The following GNB5 variants were observed in gnomAD, a reference collection of about 807,000 sequenced individuals.
GNB5 encodes G protein subunit beta 5.
A neutral mutation model predicts 55.3 loss-of-function variants in GNB5; 37 were observed. That is an observed-to-expected ratio of 0.67 (90% CI 0.51 to 0.88). The LOEUF is 0.88. Ranked by LOEUF, GNB5 falls within the 40% of genes least tolerant of loss-of-function variation. GNB5 has a pLI of 0.00. For missense variants in GNB5, 476 were observed against 515.3 expected (o/e 0.92, Z 0.74); for synonymous variants, 219 against 198.5 (o/e 1.10, Z -0.87).
intron 4 of GNB5, among the ~76,000 whole-genome samples, chr15:52,151,889 C>T (rs1025014251): frequency 5.3e-5 from 8 of 151,736 alleles, no homozygotes; most frequent in Admixed American, 2.0e-4. Context: ...GAGGATCACT[C>T]GAGCCCAGGA....
rs977627428 is a variant in GNB5 at position 52,117,102 on chromosome 15, A to ATTTT, written c.*5651_*5654dup. The ATTTT allele has an allele frequency of 1.1e-5, 1 of 87,102 alleles. No individual in the cohort carries two copies. Among genetic ancestry groups the ATTTT allele is most frequent in the Admixed American group, 1.2e-4 (1 of 8,092 alleles). The allele number at this position is 87,102 out of a possible 1,614,324, so 5.4% of individuals were successfully genotyped here. On this transcript the variant is annotated 3_prime_UTR_variant, in exon 13 of 13. Coordinates refer to ENST00000261837, the MANE Select transcript of GNB5 (RefSeq NM_016194.4). ...CCACGCCCAGCTAATATATATATAT[A>ATTTT]TTTTTTTTTAGTACAGACAGGGTTT... is the stretch of plus-strand genomic sequence containing the variant.
rs141366851 is a variant in GNB5 at position 52,166,045 on chromosome 15, G to C, written c.239-11969C>G. On this transcript the variant is annotated intron_variant, in intron 3 of 12. Coordinates refer to ENST00000261837, the MANE Select transcript of GNB5 (RefSeq NM_016194.4). Reference sequence around the variant, plus strand: ...GAAAAAAGCAGGCGTTGCAATCCTAGTTTCCAACAAAACAGACTTTAAACC... The same window carrying C: ...GAAAAAAGCAGGCGTTGCAATCCTACTTTCCAACAAAACAGACTTTAAACC... 2.4e-4 allele frequency among the ~76,000 whole-genome samples: 37 copies of C among 152,278 alleles called. No individual in the cohort carries two copies. The East Asian group carries it at 6.5e-3, about 27-fold the overall frequency.
chr15:52,169,047 G>A (rs902246354), intron 3 of GNB5, among the ~76,000 whole-genome samples: 3 of 152,250 alleles, frequency 2.0e-5, no homozygotes, highest in Non-Finnish European at 2.9e-5. Flanking sequence ...TACCAGGCCG[G>A]ATGTGGGGGC....
intron 3 of GNB5, among the ~76,000 whole-genome samples, chr15:52,162,279 T>C (rs1415437985): frequency 6.6e-6 from 1 of 152,238 alleles, no homozygotes; most frequent in Non-Finnish European, 1.5e-5. Context: ...TTCATCACGA[T>C]GTGGCTTACT....
chr15:52,127,822 A>G (rs535341268), intron 10 of GNB5, among the ~76,000 whole-genome samples: 4 of 152,186 alleles, frequency 2.6e-5, no homozygotes, highest in African/African-American at 9.6e-5. Flanking sequence ...CAGAAAAAAA[A>G]AAAAACCTTG....
intron 2 of GNB5, chr15:52,181,341 T>C (rs2034765977): frequency 6.6e-6 from 1 of 152,180 alleles, no homozygotes; most frequent in South Asian, 2.1e-4. Flanking sequence ...GTGGGCCGGG[T>C]GCGGTGGTTC....
intron 3 of GNB5, among the ~76,000 whole-genome samples, chr15:52,156,225 C>T (rs1296925760): frequency 6.6e-6 from 1 of 152,240 alleles, no homozygotes; most frequent in African/African-American, 2.4e-5. Flanking sequence ...GGAGCCCCGT[C>T]AAGCAGGTTC....
intron 3 of GNB5, among the ~76,000 whole-genome samples, chr15:52,165,984 G>A (rs1237888825): frequency 2.6e-5 from 4 of 152,118 alleles, no homozygotes; most frequent in Admixed American, 2.6e-4. Context: ...TAAAAATAAA[G>A]GGATGGAGGA....
In GNB5 at chr15:52,166,105, A is replaced by G. The variant is rs866020529; in HGVS notation, c.239-12029T>C. On this transcript the variant is annotated intron_variant, in intron 3 of 12. Transcript: ENST00000261837. ...AAAAAAAGACAGAGAAGGGCATTAC[A>G]TAATGGTAAAGTGTTCAATTCAACA... 2.2e-4 allele frequency among the ~76,000 whole-genome samples: 34 copies of G among 152,270 alleles called. 1 individual carries two copies. The highest frequency in any genetic ancestry group is 5.9e-4 in the Admixed American group (9 of 15,280).
Position 52,179,797 on chromosome 15 carries a change from T to A in GNB5, c.209A>T (p.Glu70Val). Residue 70 changes from glutamate (E) to valine (V), a missense_variant, in exon 3 of 13, where the codon GAG (glutamate) becomes GTG (valine). By Grantham distance (121) the Glu-to-Val change is moderately radical. Coordinates refer to ENST00000261837, the MANE Select transcript of GNB5 (RefSeq NM_016194.4). ...EAESLKGKLE[E>V]ERAKLHDVEL... is the part of the protein sequence containing the mutation. Reference sequence around the variant, plus strand: ...CACATCGTGCAGCTTGGCTCGCTCCTCCTCCAGCTTGCCCTTGAGGCTCTC... The same window carrying A: ...CACATCGTGCAGCTTGGCTCGCTCCACCTCCAGCTTGCCCTTGAGGCTCTC... 1.3e-6 allele frequency: 2 copies of A among 1,531,614 alleles called. No homozygotes were observed. The highest frequency in any genetic ancestry group is 8.8e-7 in the Non-Finnish European group (1 of 1,138,394). The allele number at this position is 1,531,614 out of a possible 1,614,324, so 94.9% of individuals were successfully genotyped here. A position where few individuals can be genotyped will look rare whatever the true frequency, so the allele number is the denominator to read the frequency against.
chr15:52,147,832 C>T (rs1273740084), intron 5 of GNB5, among the ~76,000 whole-genome samples: 2 of 152,162 alleles, frequency 1.3e-5, no homozygotes, highest in African/African-American at 2.4e-5. Flanking sequence ...ATCTGCTCAC[C>T]GTGGCCTCCC....
intron 3 of GNB5, among the ~76,000 whole-genome samples, chr15:52,158,438 G>A (rs560926444): frequency 5.3e-5 from 8 of 152,178 alleles, no homozygotes; most frequent in South Asian, 2.1e-4. Flanking sequence ...TTCAATCAAC[G>A]GTAGCAATCC....
In GNB5 at chr15:52,118,400, C is replaced by T. The variant is rs1456809713; in HGVS notation, c.*4357G>A. On this transcript the variant is annotated 3_prime_UTR_variant, in exon 13 of 13. Transcript: ENST00000261837. ...TGGGTGATTTTTTTATTTTCATCCT[C>T]TCAGGAATTTTCCAGAGACTACTGG... 6.6e-6 allele frequency: 1 copy of T among 151,750 alleles called. No individual in the cohort carries two copies. Among genetic ancestry groups the T allele is most frequent in the Non-Finnish European group, 1.5e-5 (1 of 67,956 alleles). 9.4% of individuals were successfully genotyped at this position (151,750 alleles called of 1,614,324 possible). A position where few individuals can be genotyped will look rare whatever the true frequency, so the allele number is the denominator to read the frequency against.
chr15:52,116,916 TTC>T lies in GNB5; in HGVS notation c.*5839_*5840del, dbSNP rs1244615583. On this transcript the variant is annotated 3_prime_UTR_variant, in exon 13 of 13. Coordinates refer to ENST00000261837, the MANE Select transcript of GNB5 (RefSeq NM_016194.4). ...TTTTTTCCTTTAAAAACCTTTGTTT[TTC>T]TTTTTTTTTTTCTTTGTTTTTTTGA... 7.0e-6 allele frequency: 1 copy of T among 143,488 alleles called. No individual in the cohort carries two copies. Among genetic ancestry groups the T allele is most frequent in the Non-Finnish European group, 1.5e-5 (1 of 67,902 alleles). 8.9% of individuals were successfully genotyped at this position (143,488 alleles called of 1,614,324 possible). A position where few individuals can be genotyped will look rare whatever the true frequency, so the allele number is the denominator to read the frequency against.
chr15:52,141,051 T>C (rs2033840569), intron 7 of GNB5, 89 bp downstream of exon 7: 7 of 1,117,900 alleles, frequency 6.3e-6, no homozygotes, highest in Non-Finnish European at 9.4e-6. Flanking sequence ...GCCATCTTGT[T>C]CAGAGAGACG....
chr15:52,176,242 A>G (rs573587002), intron 3 of GNB5, among the ~76,000 whole-genome samples: 27 of 152,068 alleles, frequency 1.8e-4, no homozygotes, highest in Non-Finnish European at 3.1e-4. Context: ...CACTTGCTCA[A>G]TGGGGAGCCC....
chr15:52,144,110 C>A (rs8028545), intron 6 of GNB5: 1 of 152,236 alleles, frequency 6.6e-6, no homozygotes, highest in African/African-American at 2.4e-5. Context: ...TTCTGCACCA[C>A]GCTGAGTCAC....
Position 52,168,916 on chromosome 15 carries a change from T to C in GNB5, c.238+10852A>G, listed in dbSNP as rs146849943. ...TAGTGTTAGGAGAACTGGCTAGCCA[T>C]ATGCAGAAGACTGAAACTGGACCCC... is the stretch of plus-strand genomic sequence containing the variant. On this transcript the variant is annotated intron_variant, in intron 3 of 12. Coordinates refer to ENST00000261837, the MANE Select transcript of GNB5 (RefSeq NM_016194.4). 4.9e-3 allele frequency among the ~76,000 whole-genome samples: 745 copies of C among 152,356 alleles called. 18 individuals are homozygous for C. The highest frequency in any genetic ancestry group is 0.026 in the Admixed American group (398 of 15,292).
intron 3 of GNB5, among the ~76,000 whole-genome samples, chr15:52,172,338 G>A (rs2034569371): frequency 1.3e-5 from 2 of 151,326 alleles, no homozygotes; most frequent in African/African-American, 4.9e-5. Flanking sequence ...GAGAGTTGAG[G>A]TCTCACTATA....
Sources: gnomAD v4.1 joint callset for allele counts (sites outside exome capture counted in the v4.1 genomes callset) on GRCh38, gnomAD v4.1.1 for gene constraint, MANE v1.5 for transcripts, NCBI Gene and HGNC (gene_info 2026-07-23, HGNC 2026-07-21) for gene names.